Variants in NCALD observed in about 807,000 individuals in gnomAD.
NCALD encodes neurocalcin delta, also known as neurocalcin-delta.
A neutral mutation model predicts 18.6 loss-of-function variants in NCALD; 10 were observed. The observed-to-expected ratio is 0.54, with a 90% CI of 0.33 to 0.91. The LOEUF (loss-of-function observed/expected upper bound fraction) is 0.91. Among genes scored for constraint, NCALD ranks in the 40% least tolerant of loss-of-function variants. NCALD has a pLI of 0.03. For synonymous variants in NCALD, 88 were observed against 87.4 expected (o/e 1.01, Z -0.04); for missense variants, 184 against 247.6 (o/e 0.74, Z 1.72).
chr8:101,757,359 C>T (rs1053225916), intron 1 of NCALD, among the ~76,000 whole-genome samples: 2 of 152,198 alleles, frequency 1.3e-5, no homozygotes, highest in Non-Finnish European at 2.9e-5. Context: ...CTATGTGTTA[C>T]TTTCCAACTG....
intron 1 of NCALD, among the ~76,000 whole-genome samples, chr8:102,095,392 T>C (rs1825058865): frequency 6.6e-6 from 1 of 152,186 alleles, no homozygotes; most frequent in South Asian, 2.1e-4. Flanking sequence ...TCTAAAGAAC[T>C]GAACACCTCA....
intron 4 of NCALD, among the ~76,000 whole-genome samples, chr8:101,831,868 T>C: frequency 6.6e-6 from 1 of 152,332 alleles, no homozygotes; most frequent in East Asian, 1.9e-4. Context: ...AAATTCCCGA[T>C]GCCCCCAGAG....
chr8:101,692,500 A>G (rs557157477), intron 3 of NCALD: 1 of 985,480 alleles, frequency 1.0e-6, no homozygotes, highest in Non-Finnish European at 1.2e-6. Flanking sequence ...GTCTGTGCTA[A>G]CAATGGTTTC....
chr8:101,713,687 T>C (rs970424179), intron 2 of NCALD, among the ~76,000 whole-genome samples: 8 of 152,002 alleles, frequency 5.3e-5, no homozygotes, highest in African/African-American at 1.9e-4. Flanking sequence ...CAAGAAGAAA[T>C]GGATAAATTC....
intron 2 of NCALD, among the ~76,000 whole-genome samples, chr8:102,006,344 T>A (rs78001412): frequency 0.028 from 4,290 of 152,206 alleles, 104 homozygotes; most frequent in East Asian, 0.093. Context: ...GGGCCCCTAA[T>A]AACATAGTAG....
At chr8:101,919,270 G>A (rs543529601) in intron 2 of NCALD, among the ~76,000 whole-genome samples, 1 of 152,242 alleles carries the variant, frequency 6.6e-6, no homozygotes, top group Admixed American at 6.5e-5. Flanking sequence ...ACAAAAAGAA[G>A]CATCGGGGAA....
intron 2 of NCALD, among the ~76,000 whole-genome samples, chr8:101,973,047 T>G (rs1302518226): frequency 6.6e-6 from 1 of 151,942 alleles, no homozygotes; most frequent in Non-Finnish European, 1.5e-5. Context: ...AGGAGTGGTA[T>G]GAGGAAGAGA....
chr8:101,695,800 C>T (rs1211337388), intron 2 of NCALD, among the ~76,000 whole-genome samples: 1 of 151,968 alleles, frequency 6.6e-6, no homozygotes, highest in Non-Finnish European at 1.5e-5. Flanking sequence ...TTTTTGAATC[C>T]CTGATAGTAC....
chr8:101,940,942 T>A (rs373702024), intron 2 of NCALD, among the ~76,000 whole-genome samples: 3 of 152,140 alleles, frequency 2.0e-5, no homozygotes, highest in East Asian at 3.8e-4. Context: ...AATTTTAAGA[T>A]AAAATTAAGA....
chr8:102,059,930 G>C (rs891610071), intron 1 of NCALD, among the ~76,000 whole-genome samples: 2 of 152,170 alleles, frequency 1.3e-5, no homozygotes, highest in African/African-American at 4.8e-5. Context: ...GTCTGATGCA[G>C]CAGGTCTGGA....
At chr8:101,715,606 C>T (rs1461875638) in intron 2 of NCALD, among the ~76,000 whole-genome samples, 1 of 152,074 alleles carries the variant, frequency 6.6e-6, no homozygotes. Flanking sequence ...CTACAAGAAA[C>T]TTAAACAAAT....
intron 1 of NCALD, among the ~76,000 whole-genome samples, chr8:102,082,213 TGAGAAGCTC>T (rs1824563301): frequency 6.7e-6 from 1 of 149,630 alleles, no homozygotes; most frequent in Non-Finnish European, 1.5e-5. Flanking sequence ...GGCAGTTATT[TGAGAAGCTC>T]TCTCTTTTTT....
At chr8:101,902,291 T>A (rs1206453694) in intron 3 of NCALD, among the ~76,000 whole-genome samples, 20 of 52,934 alleles carry the variant, frequency 3.8e-4, no homozygotes, top group East Asian at 1.8e-3. Context: ...TTTTTTTTTT[T>A]AACTTCATTT....
At chr8:101,879,829 G>A (rs1378367833) in intron 4 of NCALD, among the ~76,000 whole-genome samples, 1 of 152,042 alleles carries the variant, frequency 6.6e-6, no homozygotes, top group African/African-American at 2.4e-5. Context: ...GCTAGACACA[G>A]GCTGCTGACT....
intron 2 of NCALD, among the ~76,000 whole-genome samples, chr8:101,944,506 C>T (rs751483696): frequency 2.0e-5 from 3 of 152,230 alleles, no homozygotes; most frequent in African/African-American, 7.2e-5. Flanking sequence ...GTGCCTCTCT[C>T]TGCAAAGAGA....
chr8:101,731,555 C>T (rs145704586), intron 1 of NCALD, among the ~76,000 whole-genome samples: 140 of 152,272 alleles, frequency 9.2e-4, no homozygotes, highest in African/African-American at 3.3e-3. Context: ...GTTATAGTGA[C>T]AGACATGTGA....
intron 1 of NCALD, chr8:102,020,335 G>A (rs909202073): frequency 6.6e-6 from 1 of 152,066 alleles, no homozygotes; most frequent in African/African-American, 2.4e-5. Flanking sequence ...GAACTAGGAA[G>A]AATAATTAAA....
At chr8:102,033,538 G>T (rs1456573221) in intron 1 of NCALD, among the ~76,000 whole-genome samples, 1 of 152,090 alleles carries the variant, frequency 6.6e-6, no homozygotes, top group Middle Eastern at 3.2e-3. Context: ...TCATTTCCAA[G>T]AAAATAAAAG....
At chr8:101,700,020 C>T (rs796218945) in intron 2 of NCALD, among the ~76,000 whole-genome samples, 1 of 150,966 alleles carries the variant, frequency 6.6e-6, no homozygotes, top group Non-Finnish European at 1.5e-5. Context: ...GACTGATATG[C>T]TCTCTATTTT....
Sources: gnomAD v4.1 joint callset for allele counts (sites outside exome capture counted in the v4.1 genomes callset) on GRCh38, gnomAD v4.1.1 for gene constraint, MANE v1.5 for transcripts, NCBI Gene and HGNC (gene_info 2026-07-23, HGNC 2026-07-21) for gene names.